Variants in DGCR8 observed in about 807,000 individuals in gnomAD.
The protein encoded by DGCR8 is DGCR8 microprocessor complex subunit.
Under a neutral mutation model 78.5 loss-of-function variants are expected in DGCR8, and 14 were observed. The ratio of observed to expected loss-of-function variants is 0.18; its 90% CI spans 0.12 to 0.28. The LOEUF (loss-of-function observed/expected upper bound fraction) is 0.28. Among genes scored for constraint, DGCR8 ranks in the 10% least tolerant of loss-of-function variants. The pLI is 1.00. For synonymous variants in DGCR8, 399 were observed against 402.4 expected (o/e 0.99, Z 0.10); for missense variants, 702 against 1,022.5 (o/e 0.69, Z 4.28).
chr22:20,092,352 C>A (rs902745000), intron 7 of DGCR8, among the ~76,000 whole-genome samples: 8 of 152,210 alleles, frequency 5.3e-5, no homozygotes, highest in Non-Finnish European at 1.0e-4. Context: ...GCATTTCCCA[C>A]CAGCTCTGTC....
At chr22:20,081,848 C>G (rs1443110811) in intron 1 of DGCR8, among the ~76,000 whole-genome samples, 1 of 152,142 alleles carries the variant, frequency 6.6e-6, no homozygotes, top group Non-Finnish European at 1.5e-5. Flanking sequence ...TGATTCCTCT[C>G]TTTCTTACAC....
At chr22:20,093,386 C>T (rs2049589485) in intron 8 of DGCR8, among the ~76,000 whole-genome samples, 1 of 151,728 alleles carries the variant, frequency 6.6e-6, no homozygotes, top group South Asian at 2.1e-4. Flanking sequence ...GCCTGGGCGA[C>T]AGTGCAAGAC....
Position 20,090,211 on chromosome 22 carries a change from T to TG in DGCR8, c.1263dup (p.Gln422AlafsTer12). On this transcript the variant is annotated frameshift_variant, in exon 5 of 14. Transcript: ENST00000351989. LOFTEE classifies it high-confidence loss of function. Reference sequence around the variant, plus strand: ...GGGGCTGAGGCAGCCCCTGGGGCCCTGGGGCAGGTGAAGGCCAAAGTCGAG... The same window carrying TG: ...GGGGCTGAGGCAGCCCCTGGGGCCCTGGGGGCAGGTGAAGGCCAAAGTCGAG... 1 of 1,612,648 alleles carries TG rather than the reference T, an allele frequency of 6.2e-7. No individual in the cohort carries two copies. Among genetic ancestry groups the TG allele is most frequent in the Non-Finnish European group, 8.5e-7 (1 of 1,179,622 alleles).
Position 20,091,849 on chromosome 22 carries a change from G to A in DGCR8, c.1505-20G>A. 2.5e-6 allele frequency: 4 copies of A among 1,611,234 alleles called. No individual in the cohort carries two copies. Among genetic ancestry groups the A allele is most frequent in the Non-Finnish European group, 3.4e-6 (4 of 1,177,574 alleles). ...TGTGGCACTGCTTCACACTTGCTGA[G>A]ATGGTTCTTTTTGTCACAGAGTTTG... On this transcript the variant is annotated intron_variant, in intron 6 of 13. Transcript: ENST00000351989.
chr22:20,103,130 C>T (rs2049724009), intron 9 of DGCR8, among the ~76,000 whole-genome samples: 1 of 148,530 alleles, frequency 6.7e-6, no homozygotes, highest in South Asian at 2.2e-4. Context: ...AAGAGCGAAA[C>T]CCCATCTTAA....
chr22:20,105,081 G>T (rs1399860237), intron 9 of DGCR8, among the ~76,000 whole-genome samples: 1 of 152,258 alleles, frequency 6.6e-6, no homozygotes, highest in Admixed American at 6.5e-5. Flanking sequence ...TCAAAGTGTG[G>T]TCTTTTTTGG....
chr22:20,103,222 T>C (rs1361400770), intron 9 of DGCR8, among the ~76,000 whole-genome samples: 1 of 152,224 alleles, frequency 6.6e-6, no homozygotes, highest in Non-Finnish European at 1.5e-5. Flanking sequence ...CCTAACAATA[T>C]TGGATTTTCC....
Position 20,085,159 on chromosome 22 carries a change from G to C in DGCR8, c.-277-528G>C, listed in dbSNP as rs2049465949. ...CACGTGCTACCCTGTGGGCCCAGGA[G>C]AGCCCTGGGGTCCCTGGGTAGCAGA... On this transcript the variant is annotated intron_variant, in intron 1 of 13. Transcript: ENST00000351989. This position sits in a 1 kb window ranked among gnomAD's most constrained non-coding sequence, Gnocchi z 6.2. 3 of 528,446 alleles carry C rather than the reference G, an allele frequency of 5.7e-6. No homozygotes were observed. In the South Asian group the frequency reaches 2.4e-4, roughly 43 times the overall value. The allele number at this position is 528,446 out of a possible 1,614,324, so 32.7% of individuals were successfully genotyped here. A position where few individuals can be genotyped will look rare whatever the true frequency, so the allele number is the denominator to read the frequency against.
Position 20,085,132 on chromosome 22 carries a change from T to C in DGCR8, c.-277-555T>C. On this transcript the variant is annotated intron_variant, in intron 1 of 13. Transcript: ENST00000351989. The surrounding 1 kb of genome is among the most constrained non-coding windows in gnomAD (Gnocchi z 6.2). ...TCAGCACGCTGCATCACTGTCCCCG[T>C]CCACGTGCTACCCTGTGGGCCCAGG... The C allele has an allele frequency of 1.3e-6, 1 of 782,270 alleles. No homozygotes were observed. Among genetic ancestry groups the C allele is most frequent in the Non-Finnish European group, 1.6e-6 (1 of 644,154 alleles). 48.5% of individuals were successfully genotyped at this position (782,270 alleles called of 1,614,324 possible).
In DGCR8 at chr22:20,089,049, T is replaced by G. The variant is rs943864630; in HGVS notation, c.881-620T>G. Among the ~76,000 whole-genome samples, 4 of 152,172 alleles carry G rather than the reference T, an allele frequency of 2.6e-5. No homozygotes were observed. The highest frequency in any genetic ancestry group is 4.4e-5 in the Non-Finnish European group (3 of 68,026). ...CCCAATACCTGTGAGAAAATTAAGT[T>G]TTAGTTACATCTTTGCCTTACGCTC... On this transcript the variant is annotated intron_variant, in intron 3 of 13. Transcript: ENST00000351989. This position sits in a 1 kb window ranked among gnomAD's most constrained non-coding sequence, Gnocchi z 4.9.
intron 3 of DGCR8, among the ~76,000 whole-genome samples, chr22:20,088,932 G>A (rs1162328139): frequency 6.6e-6 from 1 of 152,092 alleles, no homozygotes; most frequent in Non-Finnish European, 1.5e-5. Flanking sequence ...ATAGGTGTAT[G>A]CCACCATGCC....
chr22:20,101,439 A>G (rs913406197), intron 9 of DGCR8: 2 of 667,806 alleles, frequency 3.0e-6, no homozygotes, highest in Non-Finnish European at 3.7e-6. Flanking sequence ...TTAGCCGGGC[A>G]TGGTGGTGGG....
intron 9 of DGCR8, chr22:20,100,296 A>T (rs896766562): frequency 3.7e-5 from 34 of 926,470 alleles, no homozygotes; most frequent in Non-Finnish European, 4.2e-5. Flanking sequence ...CTATCTCTTG[A>T]CCTCGTGATC....
Position 20,086,746 on chromosome 22 carries a change from G to A in DGCR8, c.720+63G>A. ...AAACCCAAAGAGAGATTTGGGAATT[G>A]CAGCATCTTTTGAAAGCAGGGAAAT... On this transcript the variant is annotated intron_variant, in intron 2 of 13. Transcript: ENST00000351989. The surrounding 1 kb of genome is among the most constrained non-coding windows in gnomAD (Gnocchi z 6.4). 2.1e-6 allele frequency: 3 copies of A among 1,458,544 alleles called. No individual in the cohort carries two copies. Among genetic ancestry groups the A allele is most frequent in the South Asian group, 1.4e-5 (1 of 72,952 alleles). The allele number at this position is 1,458,544 out of a possible 1,614,324, so 90.4% of individuals were successfully genotyped here.
chr22:20,091,110 G>A (rs1261706241), intron 5 of DGCR8, among the ~76,000 whole-genome samples: 3 of 152,252 alleles, frequency 2.0e-5, no homozygotes, highest in African/African-American at 7.2e-5. Context: ...GGTGCTGCTG[G>A]CATTCGGGCA....
In DGCR8 at chr22:20,109,020, C is replaced by T. The variant is rs374058020; in HGVS notation, c.2238+17C>T. 45 of 1,397,380 alleles carry T rather than the reference C, an allele frequency of 3.2e-5. No homozygotes were observed. The highest frequency in any genetic ancestry group is 1.0e-4 in the South Asian group (9 of 86,680). 86.6% of individuals were successfully genotyped at this position (1,397,380 alleles called of 1,614,324 possible). Reference sequence around the variant, plus strand: ...GAGGAAAGGGTGAGTGCCACCCTAGCGGGAGGGCTGCCGGGCCACGGCCAT... The same window carrying T: ...GAGGAAAGGGTGAGTGCCACCCTAGTGGGAGGGCTGCCGGGCCACGGCCAT... On this transcript the variant is annotated intron_variant, in intron 13 of 13. Coordinates refer to ENST00000351989, the MANE Select transcript of DGCR8 (RefSeq NM_022720.7).
intron 1 of DGCR8, among the ~76,000 whole-genome samples, chr22:20,082,440 T>G (rs1211859107): frequency 6.6e-6 from 1 of 151,846 alleles, no homozygotes; most frequent in East Asian, 1.9e-4. Flanking sequence ...GATCTCCCGC[T>G]CACTGTAAGC....
intron 6 of DGCR8, 91 bp from the exon 7 acceptor site, chr22:20,091,778 T>G: frequency 1.3e-6 from 2 of 1,491,060 alleles, no homozygotes; most frequent in Non-Finnish European, 1.9e-6. Flanking sequence ...TTCACGGTCG[T>G]GAGCCCCTAG....
chr22:20,100,448 G>A (rs1043826406), intron 9 of DGCR8: 2 of 985,308 alleles, frequency 2.0e-6, no homozygotes, highest in Admixed American at 1.2e-4. Flanking sequence ...GGAAGTGCTT[G>A]CGTAGACCCT....
Sources: allele counts gnomAD v4.1 joint callset (sites outside exome capture counted in the v4.1 genomes callset), GRCh38; gene constraint gnomAD v4.1.1; non-coding constraint Gnocchi (gnomAD v3.1); transcripts MANE v1.5; gene names NCBI Gene and HGNC (gene_info 2026-07-23, HGNC 2026-07-21).